DISP3: variants seen among roughly 807,000 people sequenced by gnomAD.
DISP3 encodes protein dispatched homolog 3.
A neutral mutation model predicts 135.3 loss-of-function variants in DISP3; 101 were observed. That is an observed-to-expected ratio of 0.75 (90% CI 0.64 to 0.88). DISP3 has a LOEUF of 0.88. Ranked by LOEUF, DISP3 falls within the 40% of genes least tolerant of loss-of-function variation. DISP3 has a pLI of 0.00. For missense variants in DISP3, 1,713 were observed against 1,878.6 expected (o/e 0.91, Z 1.63); for synonymous variants, 856 against 817.0 (o/e 1.05, Z -0.81).
intron 3 of DISP3, among the ~76,000 whole-genome samples, chr1:11,504,801 G>A (rs1279875898): frequency 6.6e-6 from 1 of 152,196 alleles, no homozygotes; most frequent in Non-Finnish European, 1.5e-5. Context: ...CCAGCCTGCA[G>A]AACCATGAAC....
In DISP3 at chr1:11,537,503, G is replaced by C. The variant is rs1310615066; in HGVS notation, c.*817G>C. 1 of 152,468 alleles carries C rather than the reference G, an allele frequency of 6.6e-6. No homozygotes were observed. Among genetic ancestry groups the C allele is most frequent in the African/African-American group, 2.4e-5 (1 of 41,478 alleles). 9.4% of individuals were successfully genotyped at this position (152,468 alleles called of 1,614,324 possible). On this transcript the variant is annotated 3_prime_UTR_variant, in exon 21 of 21. Transcript: ENST00000294484. Reference sequence around the variant, plus strand: ...CCTGTGGGGAGGAGCTGCCATGCCGGCCGCCTGCTCACGGCAGAAGGTTGC... The same window carrying C: ...CCTGTGGGGAGGAGCTGCCATGCCGCCCGCCTGCTCACGGCAGAAGGTTGC...
At chr1:11,486,826 C>T (rs1347028728) in intron 1 of DISP3, among the ~76,000 whole-genome samples, 2 of 152,084 alleles carry the variant, frequency 1.3e-5, no homozygotes, top group East Asian at 3.9e-4. Context: ...TACGGGTGCG[C>T]ATGACCACGC....
chr1:11,527,346 G>C (rs146535207), intron 13 of DISP3, among the ~76,000 whole-genome samples: 4,252 of 152,092 alleles, frequency 0.028, 188 homozygotes, highest in African/African-American at 0.097. Context: ...TCAGCCGATC[G>C]AGACCATCCT....
chr1:11,511,548 C>T (rs1641855621), intron 3 of DISP3, among the ~76,000 whole-genome samples: 1 of 152,324 alleles, frequency 6.6e-6, no homozygotes, highest in Admixed American at 6.5e-5. Flanking sequence ...GGTGGGTTTC[C>T]ATGGTCTTGG....
intron 1 of DISP3, among the ~76,000 whole-genome samples, chr1:11,500,404 C>T (rs545714142): frequency 3.9e-4 from 60 of 152,320 alleles, no homozygotes; most frequent in African/African-American, 1.2e-3. Flanking sequence ...CACAGTCGTA[C>T]GAGGCAGCAA....
At chr1:11,525,701 G>A (rs1269712104) in intron 12 of DISP3, among the ~76,000 whole-genome samples, 1 of 152,220 alleles carries the variant, frequency 6.6e-6, no homozygotes, top group Non-Finnish European at 1.5e-5. Flanking sequence ...AGGCAGTGGC[G>A]GCCAGGAATC....
At chr1:11,535,720 C>G (rs1363409846) in intron 20 of DISP3, 76 bp downstream of exon 20, 18 of 1,520,716 alleles carry the variant, frequency 1.2e-5, no homozygotes, top group Non-Finnish European at 1.6e-5. Flanking sequence ...GAGGGACCCT[C>G]AAGGGCAGCT....
chr1:11,524,164 T>G, intron 11 of DISP3, 109 bp downstream of exon 11: 1 of 841,978 alleles, frequency 1.2e-6, no homozygotes, highest in South Asian at 1.6e-5. Context: ...AGAAGGAGAT[T>G]GTGTGTTCCT....
chr1:11,533,486 A>C (rs1570152155), intron 17 of DISP3, among the ~76,000 whole-genome samples: 1 of 151,946 alleles, frequency 6.6e-6, no homozygotes, highest in Middle Eastern at 3.4e-3. Flanking sequence ...CGAACTCCTG[A>C]TCTCAGGTGA....
Position 11,499,514 on chromosome 1 carries a change from G to A in DISP3, c.-3-1476G>A, listed in dbSNP as rs374966869. Among the ~76,000 whole-genome samples the A allele has an allele frequency of 5.3e-5, 8 of 152,090 alleles. No individual in the cohort carries two copies. The highest frequency in any genetic ancestry group is 1.5e-4 in the African/African-American group (6 of 41,378). Reference sequence around the variant, plus strand: ...CAAGCTGGCAGGCTCGTGTTAGGGCGTTGCAAATGGGAAGTTTAATTATTT... The same window carrying A: ...CAAGCTGGCAGGCTCGTGTTAGGGCATTGCAAATGGGAAGTTTAATTATTT... On this transcript the variant is annotated intron_variant, in intron 1 of 20. Transcript: ENST00000294484. This position sits in a 1 kb window ranked among gnomAD's most constrained non-coding sequence, Gnocchi z 5.2.
intron 5 of DISP3, 71 bp downstream of exon 5, chr1:11,515,574 G>T: frequency 2.0e-6 from 3 of 1,536,138 alleles, no homozygotes; most frequent in African/African-American, 1.4e-5. Context: ...TTTCTCCCTG[G>T]ATACAAAGCC....
Position 11,529,239 on chromosome 1 carries a change from G to A in DISP3, c.2799-317G>A, listed in dbSNP as rs928127453. On this transcript the variant is annotated intron_variant, in intron 13 of 20. Transcript: ENST00000294484. The surrounding 1 kb of genome is among the most constrained non-coding windows in gnomAD (Gnocchi z 4.7). ...GTCCCTCCTGAACCCTCGTACCCCC[G>A]GGGGACAGTTTGAAAGCTGCTGGTC... Among the ~76,000 whole-genome samples the A allele has an allele frequency of 3.9e-5, 6 of 152,084 alleles. No individual in the cohort carries two copies. Among genetic ancestry groups the A allele is most frequent in the Admixed American group, 2.6e-4 (4 of 15,280 alleles).
At chr1:11,505,768 T>G (rs1337516192) in intron 3 of DISP3, among the ~76,000 whole-genome samples, 1 of 152,230 alleles carries the variant, frequency 6.6e-6, no homozygotes, top group Non-Finnish European at 1.5e-5. Context: ...TCTTAATACA[T>G]TTAAGCCCCA....
At chr1:11,535,372 G>A in intron 19 of DISP3, 106 bp from the exon 20 acceptor site, 1 of 1,453,520 alleles carries the variant, frequency 6.9e-7, no homozygotes, top group Non-Finnish European at 9.2e-7. Context: ...GGTGTGCCTT[G>A]TTTCTCCTGT....
At chr1:11,528,109 T>C (rs1187113862) in intron 13 of DISP3, among the ~76,000 whole-genome samples, 1 of 152,206 alleles carries the variant, frequency 6.6e-6, no homozygotes, top group Non-Finnish European at 1.5e-5. Flanking sequence ...CCACACTTCC[T>C]TGACAAGGCA....
chr1:11,479,594 G>C (rs1640835740), intron 1 of DISP3, among the ~76,000 whole-genome samples: 1 of 152,214 alleles, frequency 6.6e-6, no homozygotes, highest in Non-Finnish European at 1.5e-5. Context: ...CTACGACCGG[G>C]CCCCAGCTCC....
chr1:11,497,806 C>T (rs1420953293), intron 1 of DISP3, among the ~76,000 whole-genome samples: 1 of 152,204 alleles, frequency 6.6e-6, no homozygotes, highest in Non-Finnish European at 1.5e-5. Context: ...AGTCTCTAAT[C>T]TCATCCAGGT....
At chr1:11,522,738 G>GGCCCAGCCAGGGCCCAGCCAGA (rs1642261131) in intron 10 of DISP3, among the ~76,000 whole-genome samples, 1 of 28,574 alleles carries the variant, frequency 3.5e-5, no homozygotes, top group African/African-American at 1.6e-4. Context: ...GCCCAGCCAG[G>GGCCCAGCCAGGGCCCAGCCAGA]GCCCAGCCAG....
At chr1:11,535,184 C>G (rs781648884) in intron 19 of DISP3, 60 bp downstream of exon 19, 24 of 1,482,502 alleles carry the variant, frequency 1.6e-5, no homozygotes, top group Non-Finnish European at 2.1e-5. Flanking sequence ...GACAGTCTCC[C>G]CGGTGGCCCC....
Sources: allele counts gnomAD v4.1 joint callset (sites outside exome capture counted in the v4.1 genomes callset), GRCh38; gene constraint gnomAD v4.1.1; non-coding constraint Gnocchi (gnomAD v3.1); transcripts MANE v1.5; gene names NCBI Gene and HGNC (gene_info 2026-07-23, HGNC 2026-07-21).